CCDC3: variants seen among roughly 807,000 people sequenced by gnomAD.
The protein encoded by CCDC3 is coiled-coil domain-containing protein 3.
A neutral mutation model predicts 21.4 loss-of-function variants in CCDC3; 24 were observed. That is an observed-to-expected ratio of 1.12 (90% CI 0.81 to 1.58). CCDC3 has a LOEUF of 1.58. Ranked by LOEUF, CCDC3 falls within the 40% of genes most tolerant of loss-of-function variation. The probability of loss-of-function intolerance (pLI) is 0.00; values close to 1 mark genes in which losing one functional copy is unlikely to be tolerated. For missense variants in CCDC3, 425 were observed against 360.9 expected, an observed-to-expected ratio of 1.18 and a Z score of -1.44; for synonymous variants, 186 against 166.0, an observed-to-expected ratio of 1.12 and a Z score of -0.93.
intron 2 of CCDC3, among the ~76,000 whole-genome samples, chr10:12,957,447 A>T (rs530266524): frequency 3.8e-4 from 58 of 152,306 alleles, no homozygotes; most frequent in African/African-American, 1.3e-3. Flanking sequence ...ATTTTTTCTG[A>T]TTTAAAACAA....
chr10:12,957,984 G>A (rs552725927), intron 2 of CCDC3, among the ~76,000 whole-genome samples: 16 of 151,980 alleles, frequency 1.1e-4, no homozygotes, highest in Admixed American at 7.2e-4. Flanking sequence ...CTCACACCAC[G>A]TCTGGCTAAT....
chr10:12,925,132 G>A (rs764949325), intron 2 of CCDC3, among the ~76,000 whole-genome samples: 5 of 152,122 alleles, frequency 3.3e-5, no homozygotes, highest in African/African-American at 4.8e-5. Flanking sequence ...GCACATGGTC[G>A]GTTCCAGGAG....
intron 2 of CCDC3, among the ~76,000 whole-genome samples, chr10:12,962,592 ACT>A (rs753334936): frequency 8.5e-5 from 13 of 152,132 alleles, no homozygotes; most frequent in Non-Finnish European, 1.9e-4. Flanking sequence ...ACAGAGCAAG[ACT>A]CTGTCTCAAA....
chr10:13,021,554 C>G (rs1376172513), intron 5 of CCDC3, among the ~76,000 whole-genome samples: 1 of 152,170 alleles, frequency 6.6e-6, no homozygotes, highest in Non-Finnish European at 1.5e-5. Flanking sequence ...TTGTTCAGGT[C>G]TCTTTTCTCC....
At chr10:12,967,866 T>C (rs1277580016) in intron 2 of CCDC3, among the ~76,000 whole-genome samples, 3 of 152,122 alleles carry the variant, frequency 2.0e-5, no homozygotes, top group Admixed American at 6.5e-5. Flanking sequence ...CATATTATCA[T>C]CACACTGTCA....
chr10:12,950,352 G>C (rs1487347862), intron 2 of CCDC3, among the ~76,000 whole-genome samples: 15 of 152,204 alleles, frequency 9.9e-5, no homozygotes, highest in Non-Finnish European at 1.2e-4. Context: ...CCGGAAAGCA[G>C]TTTTAAGAGA....
intron 4 of CCDC3, among the ~76,000 whole-genome samples, chr10:13,055,316 G>A (rs1274445536): frequency 6.6e-6 from 1 of 151,558 alleles, no homozygotes; most frequent in Non-Finnish European, 1.5e-5. Flanking sequence ...ATTCAAGGGT[G>A]TGGGGAACAG....
intron 2 of CCDC3, among the ~76,000 whole-genome samples, chr10:12,923,625 T>G (rs1378777064): frequency 6.6e-6 from 1 of 152,174 alleles, no homozygotes; most frequent in Non-Finnish European, 1.5e-5. Flanking sequence ...ATATGATACC[T>G]CGATGGGTTT....
intron 2 of CCDC3, among the ~76,000 whole-genome samples, chr10:12,915,870 A>C (rs1834344994): frequency 6.6e-6 from 1 of 151,674 alleles, no homozygotes; most frequent in Non-Finnish European, 1.5e-5. Context: ...GCCTGAGTCC[A>C]TGAAGGCAAC....
rs548895102 is a variant in CCDC3, at chr10:12,995,851, A to T, written c.549+2487T>A. ...ATAGATCTGCCTTCAGGCTGAAACA[A>T]TTCTCCACGGTCCCATTGTTCTTTG... On this transcript the variant is annotated intron_variant, in intron 2 of 2. Coordinates refer to ENST00000378825, the MANE Select transcript of CCDC3 (RefSeq NM_031455.4). Among the ~76,000 whole-genome samples the T allele has an allele frequency of 2.8e-3, 434 of 152,362 alleles. 1 individual carries two copies. Among genetic ancestry groups the T allele is most frequent in the South Asian group, 0.011 (51 of 4,828 alleles).
At chr10:12,935,326 CTCCTGTCTCAGCCTCCCAAG>C (rs1177849463) in intron 2 of CCDC3, among the ~76,000 whole-genome samples, 3 of 151,922 alleles carry the variant, frequency 2.0e-5, no homozygotes, top group Non-Finnish European at 2.9e-5. Flanking sequence ...CCAAGTGATT[CTCCTGTCTCAGCCTCCCAAG>C]TAGCTGGGAC....
chr10:13,020,323 A>G (rs1836128026), intron 5 of CCDC3, among the ~76,000 whole-genome samples: 1 of 152,204 alleles, frequency 6.6e-6, no homozygotes, highest in Non-Finnish European at 1.5e-5. Context: ...GTCAACACCT[A>G]AGGTTAATGA....
intron 5 of CCDC3, among the ~76,000 whole-genome samples, chr10:13,025,432 C>T (rs1589043617): frequency 6.6e-6 from 1 of 152,178 alleles, no homozygotes; most frequent in Non-Finnish European, 1.5e-5. Context: ...TGAGGGGGCT[C>T]ATAAGGGAAC....
intron 2 of CCDC3, among the ~76,000 whole-genome samples, chr10:12,916,571 G>T (rs1834361123): frequency 6.6e-6 from 1 of 150,444 alleles, no homozygotes; most frequent in South Asian, 2.1e-4. Context: ...AGTGAGCTGA[G>T]ATCACGCCAC....
rs71386147 is a variant in CCDC3 at position 13,089,662 on chromosome 10, A to ATT, written c.-503+8861_-503+8862dup. Among the ~76,000 whole-genome samples the ATT allele has an allele frequency of 9.2e-5, 14 of 151,554 alleles. 1 individual carries two copies. The highest frequency in any genetic ancestry group is 7.9e-4 in the Admixed American group (12 of 15,202). On this transcript the variant is annotated intron_variant, in intron 3 of 6. Coordinates refer to the CCDC3 transcript ENST00000378839. ...TGGAGGAATTCTCTAGAATTCAGCC[A>ATT]TTTTTTTAAATTTAAATTTTAATTT...
intron 5 of CCDC3, among the ~76,000 whole-genome samples, chr10:13,024,076 T>G (rs1027432009): frequency 1.3e-5 from 2 of 152,210 alleles, no homozygotes; most frequent in East Asian, 3.9e-4. Context: ...ACCTCTGCCC[T>G]CTGTGCTTTA....
intron 2 of CCDC3, among the ~76,000 whole-genome samples, chr10:12,996,258 A>G (rs1191629955): frequency 6.6e-6 from 1 of 152,226 alleles, no homozygotes; most frequent in African/African-American, 2.4e-5. Context: ...AAGCGTTCAG[A>G]AAGTTCTAAC....
At chr10:13,085,704 T>C (rs1381019611) in intron 3 of CCDC3, among the ~76,000 whole-genome samples, 2 of 152,190 alleles carry the variant, frequency 1.3e-5, no homozygotes, top group Non-Finnish European at 2.9e-5. Flanking sequence ...CAGTGGCTCA[T>C]GCCTATAATC....
At chr10:12,949,827 G>A (rs1834981958) in intron 2 of CCDC3, among the ~76,000 whole-genome samples, 1 of 152,182 alleles carries the variant, frequency 6.6e-6, no homozygotes, top group South Asian at 2.1e-4. Context: ...GAAGCAAATG[G>A]TAATGGGTGC....
Sources: allele counts gnomAD v4.1 joint callset (sites outside exome capture counted in the v4.1 genomes callset), GRCh38; gene constraint gnomAD v4.1.1; transcripts MANE v1.5; gene names NCBI Gene and HGNC (gene_info 2026-07-23, HGNC 2026-07-21).